Variants in RPS3A observed in about 807,000 individuals in gnomAD.
RPS3A encodes the protein small ribosomal subunit protein eS1.
In RPS3A, 1 loss-of-function variant was observed where a neutral mutation model predicts 26.4. The observed-to-expected ratio is 0.04, with a 90% confidence interval of 0.01 to 0.18. The LOEUF is 0.18. Among genes scored for constraint, RPS3A ranks in the 10% least tolerant of loss-of-function variants. The probability of loss-of-function intolerance (pLI) is 1.00; values close to 1 mark genes in which losing one functional copy is unlikely to be tolerated. For synonymous variants in RPS3A, 97 were observed against 106.1 expected (o/e 0.91, Z 0.53); for missense variants, 139 against 326.8 (o/e 0.43, Z 4.43).
rs60048926 is a variant in RPS3A at position 151,103,754 on chromosome 4, G to GTA, written c.564-412_564-411dup. On this transcript the variant is annotated intron_variant, in intron 4 of 5. Transcript: ENST00000274065. Reference sequence around the variant, plus strand: ...CTGTCCCAAAAAATAAAAAATATACGTATATATATATACACACACAAAGAA... The same window carrying GTA: ...CTGTCCCAAAAAATAAAAAATATACGTATATATATATATACACACACAAAGAA... The GTA allele has an allele frequency of 5.2e-3, 6,360 of 1,216,662 alleles. 24 individuals carry two copies. The highest frequency in any genetic ancestry group is 0.032 in the African/African-American group (1,993 of 62,628). The allele number at this position is 1,216,662 out of a possible 1,614,324, so 75.4% of individuals were successfully genotyped here. A position where few individuals can be genotyped will look rare whatever the true frequency, so the allele number is the denominator to read the frequency against.
At chr4:151,099,849 A>C in intron 1 of RPS3A, 135 bp downstream of exon 1, 1 of 931,628 alleles carries the variant, frequency 1.1e-6, no homozygotes, top group Non-Finnish European at 1.7e-6. Context: ...TGGTGCACCC[A>C]GGAACGCGGC....
In RPS3A at chr4:151,100,584, A is replaced by G; in HGVS notation, c.162A>G (p.Gly54=). 6.4e-7 allele frequency: 1 copy of G among 1,553,122 alleles called. No individual in the cohort carries two copies. Among genetic ancestry groups the G allele is most frequent in the East Asian group, 2.2e-5 (1 of 44,584 alleles). The change falls in exon 2 of 6, where the codon GGA becomes GGG. Residue 54 remains glycine, a synonymous_variant. Coordinates refer to ENST00000274065, the MANE Select transcript of RPS3A (RefSeq NM_001006.5). ...IGKTLVTRTQ[G]TKIASDGLKG... ...AGACGCTCGTCACCAGGACCCAAGGAACCAGTAAGTAGCTTATTCTTGGTT... is the reference window on the plus strand; with the variant it reads ...AGACGCTCGTCACCAGGACCCAAGGGACCAGTAAGTAGCTTATTCTTGGTT...
chr4:151,104,421 TA>T (rs769684245), intron 5 of RPS3A, 50 bp from the exon 6 acceptor site: 1 of 1,368,324 alleles, frequency 7.3e-7, no homozygotes, highest in Admixed American at 3.2e-5. Context: ...TATTTCAAGA[TA>T]TACTAACAGT....
intron 1 of RPS3A, 43 bp from the exon 2 acceptor site, chr4:151,100,442 G>T (rs1299035166): frequency 2.8e-6 from 3 of 1,076,946 alleles, no homozygotes; most frequent in Non-Finnish European, 4.3e-6. Flanking sequence ...AATACAGTAA[G>T]AATTGATCTG....
rs1003985913 is a variant in RPS3A at position 151,104,202 on chromosome 4, A to G, written c.589A>G (p.Ile197Val). The G allele has an allele frequency of 1.9e-6, 3 of 1,611,662 alleles. No individual in the cohort carries two copies. Among genetic ancestry groups the G allele is most frequent in the African/African-American group, 2.7e-5 (2 of 74,826 alleles). Residue 197 changes from isoleucine (I) to valine (V), a missense_variant, in exon 5 of 6, where the codon ATA becomes GTA. Transcript: ENST00000274065. The part of the protein sequence containing the change: ...KLIPDSIGKD[I>V]EKACQSIYPL... ...GATTCCAGACAGCATTGGAAAAGAC[A>G]TAGAAAAGGCTTGCCAATCTATTTA...
At chr4:151,104,376 T>C (rs1198413871) in intron 5 of RPS3A, 90 bp downstream of exon 5, 3 of 1,517,016 alleles carry the variant, frequency 2.0e-6, no homozygotes, top group Non-Finnish European at 2.6e-6. Context: ...GCCTTCTTTT[T>C]CTTCCTGTCA....
At chr4:151,100,384 C>G in intron 1 of RPS3A, 101 bp from the exon 2 acceptor site, 1 of 685,792 alleles carries the variant, frequency 1.5e-6, no homozygotes, top group Non-Finnish European at 2.5e-6. Context: ...TATCAAATTG[C>G]CGGTTAGCTT....
chr4:151,103,774 A>G, intron 4 of RPS3A: 1 of 1,328,108 alleles, frequency 7.5e-7, no homozygotes, highest in South Asian at 1.2e-5. Flanking sequence ...ATACACACAC[A>G]AAGAAAAAAT....
In RPS3A at chr4:151,104,462, T is replaced by TTTGG; in HGVS notation, c.674-10_674-9insTTGG. On this transcript the variant is annotated splice_polypyrimidine_tract_variant and intron_variant, in intron 5 of 5. Transcript: ENST00000274065. ...TGGTTTTTTTTTTTTTTTTTTTTTT[T>TTTGG]GCCTTTTAGTGGGAAAGCTCATGGA... is the stretch of plus-strand genomic sequence containing the variant. 1 of 1,444,154 alleles carries TTTGG rather than the reference T, an allele frequency of 6.9e-7. No individual in the cohort carries two copies. Among genetic ancestry groups the TTTGG allele is most frequent in the Non-Finnish European group, 9.1e-7 (1 of 1,102,210 alleles). The allele number at this position is 1,444,154 out of a possible 1,614,324, so 89.5% of individuals were successfully genotyped here.
At chr4:151,103,359 T>C (rs1747215540) in intron 4 of RPS3A, 1 of 583,100 alleles carries the variant, frequency 1.7e-6, no homozygotes, top group East Asian at 7.5e-5. Flanking sequence ...GTTCAAGCAG[T>C]TCTTGAGCCT....
At chr4:151,102,762 T>C in intron 3 of RPS3A, 109 bp from the exon 4 acceptor site, 2 of 1,228,014 alleles carry the variant, frequency 1.6e-6, no homozygotes, top group East Asian at 5.1e-5. Flanking sequence ...GTTAGGATAC[T>C]TTATATTTAA....
Position 151,104,600 on chromosome 4 carries a change from G to C in RPS3A, c.*7G>C. The C allele has an allele frequency of 6.4e-7, 1 of 1,563,608 alleles. No homozygotes were observed. The highest frequency in any genetic ancestry group is 8.5e-7 in the Non-Finnish European group (1 of 1,170,758). On this transcript the variant is annotated 3_prime_UTR_variant, in exon 6 of 6. Coordinates refer to ENST00000274065, the MANE Select transcript of RPS3A (RefSeq NM_001006.5). ...AGTCCAAGAATCTGTTTAAAGTTCA[G>C]ACTTCAAATAGTGGCAAATAAAAAG...
intron 4 of RPS3A, chr4:151,103,409 A>G (rs747522543): frequency 1.3e-4 from 83 of 649,840 alleles, no homozygotes; most frequent in Non-Finnish European, 1.6e-4. Flanking sequence ...GACTGCCACC[A>G]TACCCAGCTA....
intron 3 of RPS3A, among the ~76,000 whole-genome samples, chr4:151,101,798 T>C (rs1398844910): frequency 2.0e-5 from 3 of 152,162 alleles, no homozygotes; most frequent in Non-Finnish European, 2.9e-5. Flanking sequence ...AGTGGCGCCA[T>C]CTCTGCTCAC....
chr4:151,102,602 G>A, intron 3 of RPS3A: 2 of 443,828 alleles, frequency 4.5e-6, no homozygotes, highest in Non-Finnish European at 8.3e-6. Flanking sequence ...GGGTTTGGAT[G>A]CCGTCAAGAT....
rs753943493 is a variant in RPS3A at position 151,100,970 on chromosome 4, T to C, written c.167-5T>C. On this transcript the variant is annotated splice_polypyrimidine_tract_variant and splice_region_variant and intron_variant, in intron 2 of 5. Transcript: ENST00000274065. ...TGTTAAGATACTTGTTTTTTTCTTT[T>C]GTAGAAATTGCATCTGATGGTCTCA... The C allele has an allele frequency of 1.2e-5, 19 of 1,565,356 alleles. No homozygotes were observed. Among genetic ancestry groups the C allele is most frequent in the Non-Finnish European group, 1.6e-5 (19 of 1,156,786 alleles).
chr4:151,103,476 G>A (rs1304183065), intron 4 of RPS3A: 10 of 1,014,986 alleles, frequency 9.9e-6, no homozygotes, highest in Non-Finnish European at 1.2e-5. Flanking sequence ...GGCTGGTCTT[G>A]AACTCCTGAC....
chr4:151,100,025 C>T, intron 1 of RPS3A: 2 of 607,044 alleles, frequency 3.3e-6, no homozygotes, highest in Non-Finnish European at 6.2e-6. Context: ...GGCACTGCGA[C>T]AGCAGGAGTT....
In RPS3A at chr4:151,102,933, T is replaced by C; in HGVS notation, c.417T>C (p.Cys139=). 1 of 1,612,252 alleles carries C rather than the reference T, an allele frequency of 6.2e-7. No homozygotes were observed. The highest frequency in any genetic ancestry group is 8.5e-7 in the Non-Finnish European group (1 of 1,179,250). ...TTDGYLLRLF[C]VGFTKKRNNQ... is the part of the protein sequence containing the mutation. ...ATGGTTACTTGCTTCGTCTGTTCTG[T>C]GTTGGTTTTACTAAAAAACGCAACA... The change falls in exon 4 of 6, where the codon TGT becomes TGC. Residue 139 remains cysteine (C), a synonymous_variant. Transcript: ENST00000274065.
Sources: allele counts gnomAD v4.1 joint callset (sites outside exome capture counted in the v4.1 genomes callset), GRCh38; gene constraint gnomAD v4.1.1; transcripts MANE v1.5; gene names NCBI Gene and HGNC (gene_info 2026-07-23, HGNC 2026-07-21).